Variants in IMMP2L observed in about 807,000 individuals in gnomAD.
IMMP2L encodes the protein inner mitochondrial membrane peptidase subunit 2.
IMMP2L carries 18 observed loss-of-function variants against 19.3 expected under a neutral mutation model. That is an observed-to-expected ratio of 0.93 (90% CI 0.64 to 1.38). The LOEUF is 1.38. Among genes scored for constraint, IMMP2L ranks in the 40% most tolerant of loss-of-function variants. IMMP2L has a pLI of 0.00. For missense variants in IMMP2L, 233 were observed against 218.2 expected (o/e 1.07, Z -0.43); for synonymous variants, 76 against 73.0 (o/e 1.04, Z -0.21).
At chr7:111,002,638 A>T (rs556563991) in intron 3 of IMMP2L, among the ~76,000 whole-genome samples, 84 of 152,258 alleles carry the variant, frequency 5.5e-4, no homozygotes, top group African/African-American at 1.9e-3. Flanking sequence ...TTATATACTT[A>T]ATCAAGGGTA....
chr7:111,218,450 T>C (rs1485111746), intron 3 of IMMP2L, among the ~76,000 whole-genome samples: 2 of 129,784 alleles, frequency 1.5e-5, no homozygotes, highest in Non-Finnish European at 3.5e-5. Context: ...TTTTCAAAAG[T>C]TTTATCAGTT....
chr7:111,229,131 C>T lies in IMMP2L; in HGVS notation c.239+258107G>A, dbSNP rs181200027. 3.9e-4 allele frequency among the ~76,000 whole-genome samples: 60 copies of T among 152,034 alleles called. 1 individual carries two copies. Among genetic ancestry groups the T allele is most frequent in the African/African-American group, 1.2e-3 (48 of 41,492 alleles). On this transcript the variant is annotated intron_variant, in intron 3 of 5. Transcript: ENST00000405709. ...ACAGTTTACAAAACATCCAGTTCTA[C>T]GCGGTTGCCTTTATTACAAAGTAAC... is the stretch of plus-strand genomic sequence containing the variant.
chr7:111,349,866 C>T (rs776892609), intron 3 of IMMP2L, among the ~76,000 whole-genome samples: 6 of 152,076 alleles, frequency 3.9e-5, no homozygotes, highest in African/African-American at 7.2e-5. Context: ...AAATAAATGT[C>T]TCTTCTCTGA....
chr7:111,358,847 G>T (rs1828982210), intron 3 of IMMP2L, among the ~76,000 whole-genome samples: 1 of 152,110 alleles, frequency 6.6e-6, no homozygotes, highest in Non-Finnish European at 1.5e-5. Context: ...AATCAAGATA[G>T]TAAAGGAAGG....
At chr7:111,486,922 T>C (rs891634179) in intron 3 of IMMP2L, among the ~76,000 whole-genome samples, 9 of 152,122 alleles carry the variant, frequency 5.9e-5, no homozygotes, top group African/African-American at 2.2e-4. Flanking sequence ...ACAAAAAAGT[T>C]GCTTACCAAG....
chr7:111,333,055 T>C (rs1365546599), intron 3 of IMMP2L, among the ~76,000 whole-genome samples: 2 of 151,816 alleles, frequency 1.3e-5, no homozygotes, highest in East Asian at 3.9e-4. Context: ...GGGCTACAAA[T>C]AGCCCAGACC....
chr7:110,927,441 A>C (rs1814979013), intron 4 of IMMP2L, among the ~76,000 whole-genome samples: 1 of 152,142 alleles, frequency 6.6e-6, no homozygotes, highest in African/African-American at 2.4e-5. Context: ...TAAGTTCACT[A>C]ATTAGCTGCC....
intron 5 of IMMP2L, among the ~76,000 whole-genome samples, chr7:110,838,325 T>G (rs959379985): frequency 1.3e-5 from 2 of 152,182 alleles, no homozygotes; most frequent in Non-Finnish European, 2.9e-5. Context: ...TTTATGCATC[T>G]TCAATGGTTT....
intron 3 of IMMP2L, among the ~76,000 whole-genome samples, chr7:111,467,087 T>C (rs1302911278): frequency 1.3e-5 from 2 of 151,982 alleles, no homozygotes; most frequent in Non-Finnish European, 2.9e-5. Flanking sequence ...AAATAGCAGA[T>C]TAAATCACTG....
Position 111,123,761 on chromosome 7 carries a change from T to C in IMMP2L, c.240-160196A>G. 1 of 1,613,920 alleles carries C rather than the reference T, an allele frequency of 6.2e-7. No individual in the cohort carries two copies. The highest frequency in any genetic ancestry group is 8.5e-7 in the Non-Finnish European group (1 of 1,179,960). ...TTGTCTTACATTCACCCCAATGCAT[T>C]TTTCAGACTCCCCAAGCTGGAATCA... On this transcript the variant is annotated intron_variant, in intron 3 of 5. Coordinates refer to ENST00000405709, the MANE Select transcript of IMMP2L (RefSeq NM_032549.4). This position sits in a 1 kb window ranked among gnomAD's most constrained non-coding sequence, Gnocchi z 6.4.
chr7:111,307,813 T>C (rs1823042869), intron 3 of IMMP2L, among the ~76,000 whole-genome samples: 1 of 151,842 alleles, frequency 6.6e-6, no homozygotes, highest in Non-Finnish European at 1.5e-5. Flanking sequence ...ATTGATATAC[T>C]AGCTCATGGG....
chr7:111,173,891 C>A (rs940559114), intron 3 of IMMP2L, among the ~76,000 whole-genome samples: 5 of 151,618 alleles, frequency 3.3e-5, no homozygotes, highest in African/African-American at 1.2e-4. Context: ...CTGTTCTGTT[C>A]TAAAATTTCA....
intron 1 of IMMP2L, among the ~76,000 whole-genome samples, chr7:111,550,363 T>C (rs1563346069): frequency 6.6e-6 from 1 of 152,150 alleles, no homozygotes; most frequent in Non-Finnish European, 1.5e-5. Flanking sequence ...CTGTATACTA[T>C]AAGCATACAT....
intron 5 of IMMP2L, among the ~76,000 whole-genome samples, chr7:110,770,783 C>T (rs1798980634): frequency 6.6e-6 from 1 of 152,138 alleles, no homozygotes; most frequent in Admixed American, 6.5e-5. Context: ...GCGGATATAG[C>T]GCTCCTGGGA....
chr7:110,785,402 T>A (rs977894623), intron 5 of IMMP2L, among the ~76,000 whole-genome samples: 6 of 151,982 alleles, frequency 3.9e-5, no homozygotes, highest in Non-Finnish European at 7.4e-5. Context: ...TCTGGTGACC[T>A]TGAAAATCAG....
At chr7:110,680,208 C>T (rs575246163) in intron 5 of IMMP2L, among the ~76,000 whole-genome samples, 28 of 152,272 alleles carry the variant, frequency 1.8e-4, no homozygotes, top group Non-Finnish European at 3.8e-4. Flanking sequence ...ATAGGTAGGA[C>T]GCCCTTAACA....
In IMMP2L at chr7:111,088,890, G is replaced by A. The variant is rs10242243; in HGVS notation, c.240-125325C>T. Among the ~76,000 whole-genome samples, 1,518 of 152,200 alleles carry A rather than the reference G, an allele frequency of 1.0e-2. 25 individuals are homozygous for A. Among genetic ancestry groups the A allele is most frequent in the African/African-American group, 0.033 (1,361 of 41,518 alleles). ...CTGCTGATGCTCTTGGAACAAGATA[G>A]AAATTCCAGTCAAAGAACAGAATCG... On this transcript the variant is annotated intron_variant, in intron 3 of 5. Transcript: ENST00000405709.
intron 3 of IMMP2L, among the ~76,000 whole-genome samples, chr7:111,211,122 C>G (rs1811262170): frequency 6.6e-6 from 1 of 152,016 alleles, no homozygotes; most frequent in Non-Finnish European, 1.5e-5. Context: ...TACAAGAAAA[C>G]TATAAATACT....
chr7:111,459,200 C>T (rs1839932241), intron 3 of IMMP2L, among the ~76,000 whole-genome samples: 1 of 152,014 alleles, frequency 6.6e-6, no homozygotes, highest in Non-Finnish European at 1.5e-5. Flanking sequence ...ACAAAGAAAA[C>T]TGTTATCTTA....
Sources: gnomAD v4.1 joint callset for allele counts (sites outside exome capture counted in the v4.1 genomes callset) on GRCh38, gnomAD v4.1.1 for gene constraint, Gnocchi (gnomAD v3.1) non-coding constraint, MANE v1.5 for transcripts, NCBI Gene and HGNC (gene_info 2026-07-23, HGNC 2026-07-21) for gene names.